The following SLCO6A1 variants were observed in gnomAD, a reference collection of about 807,000 sequenced individuals.
The protein encoded by SLCO6A1 is cancer/testis antigen 48.
SLCO6A1 carries 65 observed loss-of-function variants against 72.7 expected under a neutral mutation model. The observed-to-expected ratio is 0.89, with a 90% CI of 0.73 to 1.10. SLCO6A1 has a LOEUF of 1.10. SLCO6A1 is among the 50% of genes least tolerant of loss of function. The probability of loss-of-function intolerance (pLI) is 0.00; values close to 1 mark genes in which losing one functional copy is unlikely to be tolerated. For synonymous variants in SLCO6A1, 314 were observed against 298.2 expected (o/e 1.05, Z -0.55); for missense variants, 874 against 872.6 (o/e 1.00, Z -0.02).
chr5:102,479,047 A>G (rs1752052947), intron 2 of SLCO6A1, among the ~76,000 whole-genome samples: 1 of 152,088 alleles, frequency 6.6e-6, no homozygotes, highest in African/African-American at 2.4e-5. Flanking sequence ...TTGGCTAGTT[A>G]TATGTTTTGG....
At chr5:102,391,636 C>T (rs1389008254) in intron 10 of SLCO6A1, among the ~76,000 whole-genome samples, 3 of 151,910 alleles carry the variant, frequency 2.0e-5, no homozygotes, top group Non-Finnish European at 2.9e-5. Context: ...TTTTTTCTTC[C>T]CAGCCCTTGT....
chr5:102,380,984 A>G (rs1746073285), intron 12 of SLCO6A1, among the ~76,000 whole-genome samples: 1 of 151,926 alleles, frequency 6.6e-6, no homozygotes, highest in African/African-American at 2.4e-5. Flanking sequence ...AAGGGTATAT[A>G]TTTATAGTAT....
chr5:102,396,541 A>C (rs984397833), intron 10 of SLCO6A1, among the ~76,000 whole-genome samples: 21 of 152,158 alleles, frequency 1.4e-4, no homozygotes, highest in Admixed American at 1.2e-3. Context: ...TTAAAATTAT[A>C]AATTAACTTA....
chr5:102,424,799 C>A (rs1235195992), intron 7 of SLCO6A1, among the ~76,000 whole-genome samples: 1 of 152,104 alleles, frequency 6.6e-6, no homozygotes, highest in African/African-American at 2.4e-5. Flanking sequence ...GATACCAAAA[C>A]CTGGCATAGA....
intron 1 of SLCO6A1, among the ~76,000 whole-genome samples, chr5:102,496,486 T>C (rs1459712789): frequency 4.6e-5 from 7 of 152,166 alleles, no homozygotes; most frequent in Admixed American, 4.6e-4. Context: ...CCATATACTG[T>C]CCATCACTTG....
intron 6 of SLCO6A1, among the ~76,000 whole-genome samples, chr5:102,453,859 A>T (rs1261275720): frequency 2.0e-5 from 3 of 152,002 alleles, no homozygotes; most frequent in Non-Finnish European, 2.9e-5. Context: ...CTGTACATGG[A>T]TTGGATCACA....
rs1746947524 is a variant in SLCO6A1 at position 102,394,411 on chromosome 5, G to T, written c.1815-3366C>A. ...TAAAGAAGGCACACTGGAGAAATTT[G>T]CTTGCTTATACTCCTATCCTCTGTT... is the stretch of plus-strand genomic sequence containing the variant. On this transcript the variant is annotated intron_variant, in intron 10 of 13. Transcript: ENST00000506729. Among the ~76,000 whole-genome samples, 3 of 152,028 alleles carry T rather than the reference G, an allele frequency of 2.0e-5. 1 individual carries two copies. The highest frequency in any genetic ancestry group is 4.1e-4 in the South Asian group (2 of 4,826).
intron 6 of SLCO6A1, among the ~76,000 whole-genome samples, chr5:102,449,094 A>G (rs1352412200): frequency 6.6e-6 from 1 of 152,132 alleles, no homozygotes; most frequent in East Asian, 1.9e-4. Flanking sequence ...CTTGTCTAAA[A>G]AGTATTTTAT....
chr5:102,440,379 C>T (rs927765047), intron 6 of SLCO6A1, among the ~76,000 whole-genome samples: 10 of 152,110 alleles, frequency 6.6e-5, no homozygotes, highest in Admixed American at 3.9e-4. Context: ...GTGAACTGCA[C>T]ATGTGAGGGA....
chr5:102,472,773 A>C (rs1751694853), intron 4 of SLCO6A1, among the ~76,000 whole-genome samples: 1 of 151,996 alleles, frequency 6.6e-6, no homozygotes, highest in African/African-American at 2.4e-5. Flanking sequence ...TCAAATAACA[A>C]AAATCAGAAA....
Position 102,459,622 on chromosome 5 carries a change from T to C in SLCO6A1, c.1021+34A>G, listed in dbSNP as rs778341477. The C allele has an allele frequency of 1.2e-5, 19 of 1,552,714 alleles. No homozygotes were observed. In the African/African-American group the frequency reaches 2.1e-4, roughly 17 times the overall value. Reference sequence around the variant, plus strand: ...AGAACCATGGTGGAAGAAACTACTATCCTCCAATTTAATAAATTACATTTT... The same window carrying C: ...AGAACCATGGTGGAAGAAACTACTACCCTCCAATTTAATAAATTACATTTT... On this transcript the variant is annotated intron_variant, in intron 5 of 13. Coordinates refer to ENST00000506729, the MANE Select transcript of SLCO6A1 (RefSeq NM_173488.5).
chr5:102,435,631 T>G (rs1749487877), intron 7 of SLCO6A1, among the ~76,000 whole-genome samples: 1 of 152,130 alleles, frequency 6.6e-6, no homozygotes, highest in Non-Finnish European at 1.5e-5. Context: ...TCCCAGCACT[T>G]TGGGAGGCCA....
chr5:102,468,065 T>A (rs148119465), intron 4 of SLCO6A1, among the ~76,000 whole-genome samples: 68 of 152,252 alleles, frequency 4.5e-4, no homozygotes, highest in Middle Eastern at 3.4e-3. Flanking sequence ...AAATGCTTAA[T>A]TTCCATACTG....
rs112374244 is a variant in SLCO6A1, at chr5:102,406,913, G to T, written c.1626+6077C>A. ...AACAGATGAAAGGGGACAGAAAAGA[G>T]AAAAAGTAGCAAAAGATTATGGAAC... On this transcript the variant is annotated intron_variant, in intron 9 of 13. Coordinates refer to ENST00000506729, the MANE Select transcript of SLCO6A1 (RefSeq NM_173488.5). 5.3e-3 allele frequency among the ~76,000 whole-genome samples: 812 copies of T among 152,252 alleles called. 4 individuals are homozygous for T. The highest frequency in any genetic ancestry group is 0.018 in the African/African-American group (767 of 41,550).
Position 102,453,469 on chromosome 5 carries a change from T to C in SLCO6A1, c.1131+4913A>G, listed in dbSNP as rs568928416. 2.0e-5 allele frequency among the ~76,000 whole-genome samples: 3 copies of C among 152,308 alleles called. No individual in the cohort carries two copies. The South Asian group carries it at 6.2e-4, about 32-fold the overall frequency. On this transcript the variant is annotated intron_variant, in intron 6 of 13. Transcript: ENST00000506729. ...ACACCTGAGCCACCTCAGAGACAGTTTGTACTGACTTTTTCTTTATATGGG... is the reference window on the plus strand; with the variant it reads ...ACACCTGAGCCACCTCAGAGACAGTCTGTACTGACTTTTTCTTTATATGGG...
intron 10 of SLCO6A1, 143 bp from the exon 11 acceptor site, chr5:102,391,188 G>C (rs1380929919): frequency 2.7e-6 from 2 of 743,652 alleles, no homozygotes; most frequent in Non-Finnish European, 4.5e-6. Flanking sequence ...AGTTTAAGCT[G>C]GCCTGTTAAA....
chr5:102,385,966 C>T lies in SLCO6A1; in HGVS notation c.2017+2722G>A, dbSNP rs549585326. On this transcript the variant is annotated intron_variant, in intron 12 of 13. Transcript: ENST00000506729. The stretch of plus-strand genomic sequence containing the variant: ...CTGGAATTACAAATACACAACACCA[C>T]ACCTGGTGAGTCTCCATTTCTTTAG... Among the ~76,000 whole-genome samples, 11 of 152,018 alleles carry T rather than the reference C, an allele frequency of 7.2e-5. No individual in the cohort carries two copies. In the East Asian group the frequency reaches 2.1e-3, roughly 30 times the overall value.
At chr5:102,435,164 G>T (rs1013492871) in intron 7 of SLCO6A1, among the ~76,000 whole-genome samples, 2 of 152,084 alleles carry the variant, frequency 1.3e-5, no homozygotes, top group African/African-American at 4.8e-5. Context: ...CTCTTAGGAA[G>T]ATTTTCCTAA....
intron 7 of SLCO6A1, among the ~76,000 whole-genome samples, chr5:102,424,965 A>G (rs139334206): frequency 0.023 from 3,569 of 152,308 alleles, 141 homozygotes; most frequent in African/African-American, 0.081. Context: ...CTGGTTCAAC[A>G]TACACAAATC....
Sources: allele counts gnomAD v4.1 joint callset (sites outside exome capture counted in the v4.1 genomes callset), GRCh38; gene constraint gnomAD v4.1.1; transcripts MANE v1.5; gene names NCBI Gene and HGNC (gene_info 2026-07-23, HGNC 2026-07-21).